INPP5A: variants seen among roughly 807,000 people sequenced by gnomAD.
INPP5A encodes the protein inositol polyphosphate-5-phosphatase A.
Under a neutral mutation model 65.2 loss-of-function variants are expected in INPP5A, and 14 were observed. The observed-to-expected ratio is 0.21, with a 90% CI of 0.14 to 0.34. INPP5A has a LOEUF of 0.34. INPP5A is among the 10% of genes least tolerant of loss of function. The pLI is 1.00. For synonymous variants in INPP5A, 207 were observed against 208.3 expected (o/e 0.99, Z 0.05); for missense variants, 431 against 545.6 (o/e 0.79, Z 2.09).
intron 9 of INPP5A, among the ~76,000 whole-genome samples, chr10:132,728,623 G>A (rs555309162): frequency 2.6e-4 from 39 of 152,348 alleles, no homozygotes; most frequent in African/African-American, 8.2e-4. Context: ...AGTACTTCCC[G>A]CTCTGACTGG....
chr10:132,619,044 C>T (rs2133358232), intron 2 of INPP5A, among the ~76,000 whole-genome samples: 1 of 152,314 alleles, frequency 6.6e-6, no homozygotes, highest in East Asian at 1.9e-4. Context: ...GTTCTTCTCA[C>T]ATTTCAAAAT....
rs904061213 is a variant in INPP5A, at chr10:132,749,797, C to G, written c.855C>G (p.Leu285=). ...RKVMLQLEKK[L]FDYFNQEVFR... ...TTATGCTCCAGTTAGAAAAGAAACT[C>G]TTCGACTACTTCAACCAGGAGGTTT... is the stretch of plus-strand genomic sequence containing the variant. Residue 285 remains leucine (L), a synonymous_variant, in exon 11 of 16, where the codon CTC becomes CTG. Transcript: ENST00000368594. 2 of 1,613,266 alleles carry G rather than the reference C, an allele frequency of 1.2e-6. No individual in the cohort carries two copies. The highest frequency in any genetic ancestry group is 2.2e-5 in the East Asian group (1 of 44,888).
At chr10:132,596,937 ATG>A (rs2071705819) in intron 1 of INPP5A, among the ~76,000 whole-genome samples, 1 of 25,332 alleles carries the variant, frequency 3.9e-5, no homozygotes, top group Admixed American at 5.8e-4. Flanking sequence ...ATGTGCACGC[ATG>A]TGTGCGTGTG....
intron 2 of INPP5A, among the ~76,000 whole-genome samples, chr10:132,632,394 G>T (rs905315542): frequency 6.6e-6 from 1 of 152,234 alleles, no homozygotes; most frequent in African/African-American, 2.4e-5. Flanking sequence ...GTGAGTAGCT[G>T]TGTCTGGCTG....
At chr10:132,703,591 A>ACACG in intron 6 of INPP5A, among the ~76,000 whole-genome samples, 1 of 138,600 alleles carries the variant, frequency 7.2e-6, no homozygotes, top group Admixed American at 7.2e-5. Context: ...CTGCACACAC[A>ACACG]TGGCTTCACA....
intron 2 of INPP5A, among the ~76,000 whole-genome samples, chr10:132,614,892 C>T (rs573843622): frequency 7.9e-5 from 12 of 152,388 alleles, no homozygotes; most frequent in East Asian, 3.9e-4. Flanking sequence ...GGACCCTCCT[C>T]GTGGAATGGG....
chr10:132,538,162 C>T lies in INPP5A; in HGVS notation c.66C>T (p.Leu22=), dbSNP rs1218165065. The T allele has an allele frequency of 1.0e-5, 13 of 1,281,228 alleles. No homozygotes were observed. Among genetic ancestry groups the T allele is most frequent in the Non-Finnish European group, 1.2e-5 (12 of 1,010,166 alleles). 79.4% of individuals were successfully genotyped at this position (1,281,228 alleles called of 1,614,324 possible). A position where few individuals can be genotyped will look rare whatever the true frequency, so the allele number is the denominator to read the frequency against. The change falls in exon 1 of 16, where the codon CTC becomes CTT. Residue 22 remains leucine (L), a synonymous_variant. Coordinates refer to ENST00000368594, the MANE Select transcript of INPP5A (RefSeq NM_005539.5). This position sits in a 1 kb window ranked among gnomAD's most constrained non-coding sequence, Gnocchi z 4.1. ...TGGTCACGGCCAACGTGGGCTCGCT[C>T]TTCGACGACGTAAGTCCCCCGTGCC... is the stretch of plus-strand genomic sequence containing the variant. The part of the protein sequence containing the change: ...VLLVTANVGS[L]FDDPENLQKN...
At chr10:132,592,658 T>C (rs2071633101) in intron 1 of INPP5A, among the ~76,000 whole-genome samples, 1 of 152,212 alleles carries the variant, frequency 6.6e-6, no homozygotes, top group South Asian at 2.1e-4. Context: ...CCGCCCGCCT[T>C]GGCTTCCCAA....
At chr10:132,694,145 C>T (rs1297645781) in intron 5 of INPP5A, among the ~76,000 whole-genome samples, 1 of 152,140 alleles carries the variant, frequency 6.6e-6, no homozygotes, top group Admixed American at 6.5e-5. Context: ...CACACCTTTA[C>T]AAATTTAAAA....
intron 1 of INPP5A, among the ~76,000 whole-genome samples, chr10:132,553,792 C>T (rs1410152173): frequency 7.0e-5 from 10 of 141,866 alleles, no homozygotes; most frequent in East Asian, 2.2e-4. Context: ...GATTGGTGAA[C>T]GCCTTCTCAG....
chr10:132,692,074 G>A (rs59693936), intron 5 of INPP5A, among the ~76,000 whole-genome samples: 2,411 of 152,234 alleles, frequency 0.016, 50 homozygotes, highest in African/African-American at 0.054. Flanking sequence ...GGTTGGGCTC[G>A]AGGGTCAGGC....
At position 132,741,889 on chromosome 10, in the gene INPP5A, G is replaced by C. The variant is rs547464363; in HGVS notation, c.733-7628G>C. ...AACTGCAGCTGGCTGCAGCACCCAC[G>C]AATGGCTTCTTTCCGAGATGTGGCC... is the stretch of plus-strand genomic sequence containing the variant. On this transcript the variant is annotated intron_variant, in intron 9 of 15. Coordinates refer to ENST00000368594, the MANE Select transcript of INPP5A (RefSeq NM_005539.5). This position sits in a 1 kb window ranked among gnomAD's most constrained non-coding sequence, Gnocchi z 4.4. Among the ~76,000 whole-genome samples, 1 of 152,164 alleles carries C rather than the reference G, an allele frequency of 6.6e-6. No individual in the cohort carries two copies. Among genetic ancestry groups the C allele is most frequent in the East Asian group, 1.9e-4 (1 of 5,176 alleles).
rs925477252 is a variant in INPP5A, at chr10:132,587,967, G to A, written c.76-19948G>A. The stretch of plus-strand genomic sequence containing the variant: ...GCGGAGGTTGCAGTGAGCCAAGATG[G>A]CGCCATTGCCCTCCAGCCTGGGCAA... On this transcript the variant is annotated intron_variant, in intron 1 of 15. Transcript: ENST00000368594. The surrounding 1 kb of genome is among the most constrained non-coding windows in gnomAD (Gnocchi z 4.3). Among the ~76,000 whole-genome samples the A allele has an allele frequency of 7.1e-6, 1 of 140,322 alleles. No homozygotes were observed. Among genetic ancestry groups the A allele is most frequent in the Non-Finnish European group, 1.5e-5 (1 of 65,954 alleles). The allele number at this position is 140,322 out of a possible 152,430, so 92.1% of individuals were successfully genotyped here. A position where few individuals can be genotyped will look rare whatever the true frequency, so the allele number is the denominator to read the frequency against.
chr10:132,621,341 T>C (rs537040527), intron 2 of INPP5A, among the ~76,000 whole-genome samples: 1 of 152,184 alleles, frequency 6.6e-6, no homozygotes, highest in South Asian at 2.1e-4. Flanking sequence ...TTAGAAATTT[T>C]ATTTTGCCAA....
chr10:132,629,843 G>A (rs2072241373), intron 2 of INPP5A, among the ~76,000 whole-genome samples: 1 of 152,050 alleles, frequency 6.6e-6, no homozygotes, highest in African/African-American at 2.4e-5. Flanking sequence ...TGTCCACAAG[G>A]GCAGGGTGTC....
chr10:132,583,593 T>C (rs962829329), intron 1 of INPP5A, among the ~76,000 whole-genome samples: 5 of 152,228 alleles, frequency 3.3e-5, no homozygotes, highest in African/African-American at 4.8e-5. Flanking sequence ...GAGGTTTCCT[T>C]GTATTTCATA....
At position 132,644,470 on chromosome 10, in the gene INPP5A, C is replaced by T. The variant is rs1449815622; in HGVS notation, c.118-1398C>T. On this transcript the variant is annotated intron_variant, in intron 2 of 15. Transcript: ENST00000368594. The surrounding 1 kb of genome is among the most constrained non-coding windows in gnomAD (Gnocchi z 6.5). ...GTCTCCCCAGCCTGAGCCCGTCGTC[C>T]CTTGCTGGCTGCCCACTTGCTCAGC... is the stretch of plus-strand genomic sequence containing the variant. 6.6e-6 allele frequency among the ~76,000 whole-genome samples: 1 copy of T among 152,258 alleles called. No homozygotes were observed. The highest frequency in any genetic ancestry group is 6.5e-5 in the Admixed American group (1 of 15,294).
At chr10:132,719,968 CT>C (rs1437962859) in intron 8 of INPP5A, among the ~76,000 whole-genome samples, 1 of 146,266 alleles carries the variant, frequency 6.8e-6, no homozygotes. Context: ...TGGGTTCTTT[CT>C]GGGGGCACCT....
chr10:132,730,962 C>A (rs1219721901), intron 9 of INPP5A, among the ~76,000 whole-genome samples: 1 of 152,336 alleles, frequency 6.6e-6, no homozygotes, highest in Admixed American at 6.5e-5. Context: ...AGGTGACTTT[C>A]AACCAGTGCA....
Sources: allele counts gnomAD v4.1 joint callset (sites outside exome capture counted in the v4.1 genomes callset), GRCh38; gene constraint gnomAD v4.1.1; non-coding constraint Gnocchi (gnomAD v3.1); transcripts MANE v1.5; gene names NCBI Gene and HGNC (gene_info 2026-07-23, HGNC 2026-07-21).